PYGL: variants seen among roughly 807,000 people sequenced by gnomAD.
PYGL encodes glycogen phosphorylase, liver form.
A neutral mutation model predicts 100.1 loss-of-function variants in PYGL; 90 were observed. The observed-to-expected ratio is 0.90, with a 90% CI of 0.76 to 1.07. The LOEUF (loss-of-function observed/expected upper bound fraction) is 1.07. Ranked by LOEUF, PYGL falls within the 50% of genes least tolerant of loss-of-function variation. PYGL has a pLI of 0.00. For synonymous variants in PYGL, 373 were observed against 393.0 expected (o/e 0.95, Z 0.60); for missense variants, 1,016 against 1,057.6 (o/e 0.96, Z 0.55).
chr14:50,915,178 C>CTTTT lies in PYGL; in HGVS notation c.1403+154_1403+157dup, dbSNP rs71121612. The CTTTT allele has an allele frequency of 3.3e-5, 26 of 791,594 alleles. No homozygotes were observed. In the African/African-American group the frequency reaches 3.5e-4, roughly 11 times the overall value. 49.0% of individuals were successfully genotyped at this position (791,594 alleles called of 1,614,324 possible). A position where few individuals can be genotyped will look rare whatever the true frequency, so the allele number is the denominator to read the frequency against. On this transcript the variant is annotated intron_variant, in intron 11 of 19. Transcript: ENST00000216392. ...GCATTCTTTTCTTTCCTTTTCTTTT[C>CTTTT]TTTTTTTTTTTTAGGCAAGAGTTTT...
At chr14:50,934,694 C>T (rs74692440) in intron 3 of PYGL, among the ~76,000 whole-genome samples, 2,689 of 151,438 alleles carry the variant, frequency 0.018, 50 homozygotes, top group Middle Eastern at 0.045. Context: ...TTTGTGTGTA[C>T]ATATGTATAT....
Position 50,920,590 on chromosome 14 carries a change from T to A in PYGL, c.806A>T (p.Asp269Val). The A allele has an allele frequency of 1.2e-6, 2 of 1,613,198 alleles. No individual in the cohort carries two copies. Among genetic ancestry groups the A allele is most frequent in the Non-Finnish European group, 1.7e-6 (2 of 1,179,118 alleles). ...GGAGATGTTCTCGGCCAGGTTTCGG[T>A]CCAGCACAGCCTGAATGTAGTCTCC... ...NVGDYIQAVL[D>V]RNLAENISRV... The change falls in exon 7 of 20, where the codon GAC becomes GTC. Residue 269 changes from aspartate to valine, a missense_variant. Asp to Val is a radical substitution (Grantham distance 152, BLOSUM62 -3). Transcript: ENST00000216392.
intron 17 of PYGL, 90 bp downstream of exon 17, chr14:50,909,805 A>G: frequency 7.1e-7 from 1 of 1,412,776 alleles, no homozygotes; most frequent in Non-Finnish European, 1.0e-6. Flanking sequence ...TTTCAGTGGG[A>G]TATCGGTGTG....
intron 7 of PYGL, among the ~76,000 whole-genome samples, chr14:50,919,488 A>G (rs2050481297): frequency 6.6e-6 from 1 of 152,206 alleles, no homozygotes. Context: ...AGTCCCCCCA[A>G]GATCCTTGTC....
At chr14:50,926,487 G>T (rs544122681) in intron 4 of PYGL, among the ~76,000 whole-genome samples, 5 of 151,946 alleles carry the variant, frequency 3.3e-5, no homozygotes, top group Non-Finnish European at 7.4e-5. Flanking sequence ...CAGCACTTTG[G>T]GAGGCCGAGG....
At chr14:50,927,704 T>C (rs989405588) in intron 4 of PYGL, among the ~76,000 whole-genome samples, 7 of 152,220 alleles carry the variant, frequency 4.6e-5, no homozygotes, top group Admixed American at 2.0e-4. Flanking sequence ...AATAAAGAAT[T>C]GGTGAATAAT....
intron 5 of PYGL, among the ~76,000 whole-genome samples, chr14:50,921,855 G>A (rs1289439407): frequency 6.6e-6 from 1 of 152,132 alleles, no homozygotes; most frequent in Non-Finnish European, 1.5e-5. Context: ...AAATGGAATA[G>A]GAAATTTATG....
chr14:50,923,809 C>A (rs576189900), intron 5 of PYGL, 160 bp downstream of exon 5: 7 of 926,494 alleles, frequency 7.6e-6, no homozygotes, highest in Non-Finnish European at 1.1e-5. Flanking sequence ...GACTGGGCTG[C>A]GCTAAGAGAA....
chr14:50,923,861 C>T, intron 5 of PYGL, 108 bp downstream of exon 5: 1 of 1,326,764 alleles, frequency 7.5e-7, no homozygotes, highest in Non-Finnish European at 1.1e-6. Flanking sequence ...TTATTCAAAA[C>T]ACGACATGCC....
At chr14:50,910,257 T>C (rs1338130645) in intron 16 of PYGL, among the ~76,000 whole-genome samples, 155 bp from the exon 17 acceptor site, 1 of 152,254 alleles carries the variant, frequency 6.6e-6, no homozygotes, top group African/African-American at 2.4e-5. Context: ...GATCACACTC[T>C]TTCCCCTTGA....
intron 4 of PYGL, among the ~76,000 whole-genome samples, chr14:50,927,488 G>T (rs1469116230): frequency 6.6e-6 from 1 of 152,166 alleles, no homozygotes; most frequent in African/African-American, 2.4e-5. Flanking sequence ...GCCTCCTAAA[G>T]TGCTGGGATT....
rs1323292548 is a variant in PYGL, at chr14:50,942,369, C to A, written c.243+1792G>T. On this transcript the variant is annotated intron_variant, in intron 1 of 19. Transcript: ENST00000216392. ...CACTGAAGGAAAAACATACAAGATT[C>A]TCTGGTGCTCTATGATGCTAAATGC... Among the ~76,000 whole-genome samples, 3 of 140,192 alleles carry A rather than the reference C, an allele frequency of 2.1e-5. 1 individual carries two copies. The highest frequency in any genetic ancestry group is 4.7e-5 in the Non-Finnish European group (3 of 63,614). The allele number at this position is 140,192 out of a possible 152,430, so 92.0% of individuals were successfully genotyped here.
intron 3 of PYGL, 46 bp from the exon 4 acceptor site, chr14:50,931,822 G>A (rs1349383473): frequency 4.5e-6 from 7 of 1,541,174 alleles, no homozygotes; most frequent in Non-Finnish European, 5.4e-6. Context: ...ATTAAGCTGA[G>A]CCAAAATTTC....
At chr14:50,913,337 T>A (rs1013747919) in intron 12 of PYGL, 27 of 289,026 alleles carry the variant, frequency 9.3e-5, no homozygotes, top group Non-Finnish European at 1.6e-4. Context: ...GTTTCAGCAG[T>A]TTTTAAAAAT....
intron 19 of PYGL, 132 bp downstream of exon 19, chr14:50,908,139 G>GTT (rs370516973): frequency 1.4e-4 from 72 of 503,234 alleles, no homozygotes; most frequent in South Asian, 3.9e-4. Flanking sequence ...TGTTTTTGTT[G>GTT]TTTTTTTTTT....
Position 50,937,810 on chromosome 14 carries a change from A to G in PYGL, c.271T>C (p.Tyr91His), listed in dbSNP as rs752398453. 4 of 1,613,986 alleles carry G rather than the reference A, an allele frequency of 2.5e-6. No homozygotes were observed. Among genetic ancestry groups the G allele is most frequent in the South Asian group, 1.1e-5 (1 of 91,086 alleles). The change falls in exon 2 of 20, where the codon TAC becomes CAC. Residue 91 changes from tyrosine (Y) to histidine (H), a missense_variant. Physicochemically the swap from Tyr to His is moderately conservative, Grantham distance 83. Coordinates refer to ENST00000216392, the MANE Select transcript of PYGL (RefSeq NM_002863.5). ...GTGTTCTGTAATGTTCGGCCCATGT[A>G]AAATTCCAGAGAGAGGTAATATACC... The part of the protein sequence containing the change: ...KRVYYLSLEF[Y>H]MGRTLQNTMI...
At chr14:50,921,399 T>TA (rs66882172) in intron 5 of PYGL, 31 of 153,404 alleles carry the variant, frequency 2.0e-4, no homozygotes, top group South Asian at 8.7e-4. Context: ...AAAGTTTATC[T>TA]TTTTTTTTTT....
In PYGL at chr14:50,911,762, A is replaced by C; in HGVS notation, c.1937T>G (p.Leu646Trp). Residue 646 changes from leucine to tryptophan, a missense_variant, in exon 16 of 20, where the codon TTG becomes TGG. Physicochemically the swap from Leu to Trp is moderately conservative, Grantham distance 61. Coordinates refer to ENST00000216392, the MANE Select transcript of PYGL (RefSeq NM_002863.5). ...AGCAAGAGATACTCTGTAGTTCTCC[A>C]AGAAGATGACTTTCAACTTGCTTCC... ...MVGSKLKVIFLENYRVSLAEK... is the reference protein window; with the variant it reads ...MVGSKLKVIFWENYRVSLAEK... The C allele has an allele frequency of 6.2e-7, 1 of 1,614,202 alleles. No individual in the cohort carries two copies. The highest frequency in any genetic ancestry group is 2.2e-5 in the East Asian group (1 of 44,892).
chr14:50,908,650 GC>G (rs2050357899), intron 18 of PYGL, among the ~76,000 whole-genome samples, 170 bp downstream of exon 18: 1 of 152,102 alleles, frequency 6.6e-6, no homozygotes, highest in South Asian at 2.1e-4. Context: ...TTTTCCCCAA[GC>G]CTAAACTACC....
Sources: gnomAD v4.1 joint callset for allele counts (sites outside exome capture counted in the v4.1 genomes callset) on GRCh38, gnomAD v4.1.1 for gene constraint, MANE v1.5 for transcripts, NCBI Gene and HGNC (gene_info 2026-07-23, HGNC 2026-07-21) for gene names.